CNTNAP5: variants seen among roughly 807,000 people sequenced by gnomAD.
CNTNAP5 encodes the protein contactin associated protein family member 5.
Under a neutral mutation model 150.2 loss-of-function variants are expected in CNTNAP5, and 72 were observed. The observed-to-expected ratio is 0.48, with a 90% CI of 0.40 to 0.58. The LOEUF (loss-of-function observed/expected upper bound fraction) is 0.58, where lower values mean the gene tolerates loss of function less well. Among genes scored for constraint, CNTNAP5 ranks in the 20% least tolerant of loss-of-function variants. CNTNAP5 has a pLI of 0.00. For synonymous variants in CNTNAP5, 672 were observed against 619.8 expected (o/e 1.08, Z -1.25); for missense variants, 1,636 against 1,626.2 (o/e 1.01, Z -0.10).
At chr2:124,563,181 GTTTAT>G in intron 10 of CNTNAP5, 31 bp from the exon 11 acceptor site, 1 of 1,379,312 alleles carries the variant, frequency 7.2e-7, no homozygotes. Context: ...AAATGATTTG[GTTTAT>G]TTTCTTTTCA....
chr2:124,337,726 G>T (rs1363442651), intron 3 of CNTNAP5, among the ~76,000 whole-genome samples: 2 of 151,994 alleles, frequency 1.3e-5, no homozygotes, highest in Non-Finnish European at 2.9e-5. Flanking sequence ...CTGTTCCATT[G>T]GTCTATATCT....
chr2:124,075,979 CAA>C (rs1184242188), intron 1 of CNTNAP5, among the ~76,000 whole-genome samples: 3 of 152,058 alleles, frequency 2.0e-5, no homozygotes, highest in Non-Finnish European at 2.9e-5. Context: ...GAAATGTGCA[CAA>C]AGTGAGGACT....
chr2:124,173,498 C>T (rs1821953), intron 1 of CNTNAP5, among the ~76,000 whole-genome samples: 117,724 of 152,178 alleles, frequency 0.77, 46,171 homozygotes, highest in Non-Finnish European at 0.8. Context: ...AAAACAGCCT[C>T]GAAAATGTTA....
intron 1 of CNTNAP5, among the ~76,000 whole-genome samples, chr2:124,148,503 G>GTA (rs558789770): frequency 0.037 from 5,206 of 139,374 alleles, 124 homozygotes; most frequent in Non-Finnish European, 0.055. Flanking sequence ...GGAGAGAGAG[G>GTA]TATATATATA....
chr2:124,697,941 G>C (rs1679437037), intron 13 of CNTNAP5, among the ~76,000 whole-genome samples: 1 of 152,062 alleles, frequency 6.6e-6, no homozygotes, highest in African/African-American at 2.4e-5. Flanking sequence ...GATGTAATGT[G>C]CACCAAGACC....
intron 2 of CNTNAP5, among the ~76,000 whole-genome samples, chr2:124,224,909 TG>T (rs1196461359): frequency 6.6e-6 from 1 of 152,186 alleles, no homozygotes; most frequent in Non-Finnish European, 1.5e-5. Context: ...TGCACTGACA[TG>T]GCTTAGAAGC....
At chr2:124,658,609 A>T (rs1006893551) in intron 13 of CNTNAP5, among the ~76,000 whole-genome samples, 3 of 152,182 alleles carry the variant, frequency 2.0e-5, no homozygotes, top group Non-Finnish European at 4.4e-5. Context: ...CTCAGAACAT[A>T]CTTTCCTTAC....
At chr2:124,556,487 T>C (rs1347619008) in intron 10 of CNTNAP5, among the ~76,000 whole-genome samples, 2 of 152,144 alleles carry the variant, frequency 1.3e-5, no homozygotes, top group Non-Finnish European at 2.9e-5. Flanking sequence ...TAGTTTAAGG[T>C]TATTGTATTT....
intron 6 of CNTNAP5, among the ~76,000 whole-genome samples, chr2:124,471,225 T>G (rs1353082212): frequency 6.6e-6 from 1 of 152,202 alleles, no homozygotes; most frequent in Non-Finnish European, 1.5e-5. Context: ...TTTCCATTTG[T>G]GCTCTCTTCG....
intron 1 of CNTNAP5, among the ~76,000 whole-genome samples, chr2:124,150,446 G>A (rs1684377868): frequency 6.6e-6 from 1 of 152,144 alleles, no homozygotes; most frequent in South Asian, 2.1e-4. Context: ...AGAGATATTG[G>A]ATAATGGATT....
At position 124,640,063 on chromosome 2, in the gene CNTNAP5, C is replaced by T. The variant is rs533395695; in HGVS notation, c.1877-7695C>T. ...GTTAGCGAAACTTGCACCCCTCATC[C>T]GACCCCTTTCCAGTCCCTAACATAG... On this transcript the variant is annotated intron_variant, in intron 12 of 23. Transcript: ENST00000682447. 3.3e-5 allele frequency among the ~76,000 whole-genome samples: 5 copies of T among 152,146 alleles called. 1 individual carries two copies. In the South Asian group the frequency reaches 8.3e-4, roughly 25 times the overall value.
chr2:124,875,788 C>G (rs552202502), intron 21 of CNTNAP5, among the ~76,000 whole-genome samples: 41 of 147,832 alleles, frequency 2.8e-4, no homozygotes, highest in African/African-American at 1.0e-3. Flanking sequence ...CTCAACTGTG[C>G]TCCAAAAGAG....
At position 124,920,304 on chromosome 2, in the gene CNTNAP5, A is replaced by G. The variant is rs2791629; in HGVS notation, c.*6016A>G. On this transcript the variant is annotated 3_prime_UTR_variant, in exon 24 of 24. Coordinates refer to ENST00000682447, the MANE Select transcript of CNTNAP5 (RefSeq NM_001367498.1). ...AAACAGGAATAATGCATTCCTCTAC[A>G]GACTCTTTGAAAGGCTTTCTCTTTC... Among the ~76,000 whole-genome samples the G allele has an allele frequency of 0.48, 72,847 of 151,958 alleles. 17,908 individuals are homozygous for G. Among genetic ancestry groups the G allele is most frequent in the African/African-American group, 0.53 (22,017 of 41,470 alleles).
intron 3 of CNTNAP5, among the ~76,000 whole-genome samples, chr2:124,365,582 G>A (rs1336343154): frequency 1.3e-5 from 2 of 152,166 alleles, no homozygotes; most frequent in Non-Finnish European, 2.9e-5. Context: ...CTTTCCAATA[G>A]TAACACCATT....
At chr2:124,444,411 T>C (rs1043090489) in intron 5 of CNTNAP5, among the ~76,000 whole-genome samples, 13 of 152,204 alleles carry the variant, frequency 8.5e-5, no homozygotes, top group Middle Eastern at 3.4e-3. Flanking sequence ...CGGGTCAATG[T>C]GGTGAAAACC....
At chr2:124,329,681 C>T (rs1335074781) in intron 3 of CNTNAP5, among the ~76,000 whole-genome samples, 1 of 151,944 alleles carries the variant, frequency 6.6e-6, no homozygotes, top group Non-Finnish European at 1.5e-5. Flanking sequence ...ACCATTAAAC[C>T]ACTCTCCTAT....
chr2:124,174,122 A>G (rs1685005685), intron 1 of CNTNAP5, among the ~76,000 whole-genome samples: 1 of 152,094 alleles, frequency 6.6e-6, no homozygotes, highest in Non-Finnish European at 1.5e-5. Flanking sequence ...AAAAAAAAAA[A>G]AAAGATTCAT....
At chr2:124,878,550 T>C (rs1044886407) in intron 21 of CNTNAP5, among the ~76,000 whole-genome samples, 1 of 152,096 alleles carries the variant, frequency 6.6e-6, no homozygotes, top group Non-Finnish European at 1.5e-5. Context: ...CTAGTCTTTA[T>C]GTAACAAAGC....
At chr2:124,582,751 T>C (rs1479090661) in intron 11 of CNTNAP5, among the ~76,000 whole-genome samples, 2 of 152,166 alleles carry the variant, frequency 1.3e-5, no homozygotes, top group African/African-American at 4.8e-5. Flanking sequence ...TTACTAACAT[T>C]TTAGGAAAAA....
Sources: gnomAD v4.1 joint callset for allele counts (sites outside exome capture counted in the v4.1 genomes callset) on GRCh38, gnomAD v4.1.1 for gene constraint, MANE v1.5 for transcripts, NCBI Gene and HGNC (gene_info 2026-07-23, HGNC 2026-07-21) for gene names.